The following MSI2 variants were observed in gnomAD, a reference collection of about 807,000 sequenced individuals.
MSI2 encodes musashi RNA binding protein 2.
MSI2 carries 17 observed loss-of-function variants against 45.6 expected under a neutral mutation model. The observed-to-expected ratio is 0.37, with a 90% CI of 0.26 to 0.56. MSI2 has a LOEUF of 0.56. Among genes scored for constraint, MSI2 ranks in the 20% least tolerant of loss-of-function variants. MSI2 has a pLI of 0.77. For missense variants in MSI2, 293 were observed against 444.2 expected (o/e 0.66, Z 3.06); for synonymous variants, 156 against 158.2 (o/e 0.99, Z 0.11).
At chr17:57,510,700 T>A (rs1403310032) in intron 6 of MSI2, among the ~76,000 whole-genome samples, 1 of 152,184 alleles carries the variant, frequency 6.6e-6, no homozygotes, top group African/African-American at 2.4e-5. Flanking sequence ...AGTGCTGGGA[T>A]TACAGGCGTG....
chr17:57,372,842 G>A (rs1030032196), intron 5 of MSI2, among the ~76,000 whole-genome samples: 1 of 152,160 alleles, frequency 6.6e-6, no homozygotes. Context: ...CCACCCCAAT[G>A]AGAATGAGGA....
At chr17:57,346,406 TCTAC>T (rs1915616256) in intron 5 of MSI2, among the ~76,000 whole-genome samples, 1 of 151,850 alleles carries the variant, frequency 6.6e-6, no homozygotes, top group Non-Finnish European at 1.5e-5. Context: ...AATTCATTGA[TCTAC>T]CCCTTTGCTC....
At chr17:57,481,981 T>C (rs1031650061) in intron 6 of MSI2, among the ~76,000 whole-genome samples, 8 of 152,248 alleles carry the variant, frequency 5.3e-5, no homozygotes, top group African/African-American at 2.4e-5. Context: ...TTCATGTTGC[T>C]ATGGCACCTC....
intron 5 of MSI2, among the ~76,000 whole-genome samples, chr17:57,275,673 A>T (rs904849532): frequency 1.3e-5 from 2 of 152,146 alleles, no homozygotes; most frequent in African/African-American, 4.8e-5. Flanking sequence ...GAACAAGATC[A>T]TGATTATAAG....
At chr17:57,472,223 A>G (rs2586229) in intron 6 of MSI2, among the ~76,000 whole-genome samples, 118,195 of 152,172 alleles carry the variant, frequency 0.78, 46,352 homozygotes, top group East Asian at 0.91. Context: ...AGGCTTCTAA[A>G]GTCAACTCAC....
At chr17:57,443,316 TCTC>T (rs1276106624) in intron 6 of MSI2, among the ~76,000 whole-genome samples, 9 of 152,110 alleles carry the variant, frequency 5.9e-5, no homozygotes, top group Admixed American at 3.3e-4. Context: ...CTTGGGCGCG[TCTC>T]CTCCGTTTGT....
chr17:57,692,426 G>C, the MSI2 span, among the ~76,000 whole-genome samples: 1 of 152,080 alleles, frequency 6.6e-6, no homozygotes, highest in South Asian at 2.1e-4. Context: ...AGGCCCAATA[G>C]TAATTCATAT....
intron 7 of MSI2, among the ~76,000 whole-genome samples, chr17:57,553,699 G>T (rs2087360554): frequency 6.6e-6 from 1 of 152,204 alleles, no homozygotes; most frequent in Admixed American, 6.5e-5. Flanking sequence ...CCCAGCTCAT[G>T]TGCCTTTGTG....
chr17:57,367,335 A>T (rs1232329963), intron 5 of MSI2, among the ~76,000 whole-genome samples: 2 of 152,186 alleles, frequency 1.3e-5, no homozygotes, highest in Admixed American at 1.3e-4. Context: ...TACAAGTGGA[A>T]TATTAACTCA....
intron 6 of MSI2, among the ~76,000 whole-genome samples, chr17:57,450,990 G>A (rs985826524): frequency 1.3e-5 from 2 of 152,142 alleles, no homozygotes; most frequent in African/African-American, 2.4e-5. Flanking sequence ...GTGGGTGGTA[G>A]TGGTGTTTCC....
At chr17:57,558,410 G>A (rs1598398981) in intron 7 of MSI2, among the ~76,000 whole-genome samples, 1 of 152,166 alleles carries the variant, frequency 6.6e-6, no homozygotes, top group South Asian at 2.1e-4. Flanking sequence ...CCGCATCCTG[G>A]AGTAAGTGAG....
At chr17:57,343,314 C>T (rs562832085) in intron 5 of MSI2, among the ~76,000 whole-genome samples, 118 of 151,706 alleles carry the variant, frequency 7.8e-4, no homozygotes, top group African/African-American at 2.8e-3. Flanking sequence ...TTCCTTCTCT[C>T]CCTTTTGCTT....
chr17:57,654,279 C>A (rs1350278607), intron 11 of MSI2, among the ~76,000 whole-genome samples: 5 of 152,242 alleles, frequency 3.3e-5, no homozygotes, highest in Admixed American at 3.3e-4. Flanking sequence ...GCTGCCTAGG[C>A]AGGAAGACAC....
At chr17:57,310,832 G>T (rs944451545) in intron 5 of MSI2, among the ~76,000 whole-genome samples, 2 of 152,182 alleles carry the variant, frequency 1.3e-5, no homozygotes, top group African/African-American at 2.4e-5. Flanking sequence ...TTCACAGATG[G>T]TGTGGCAGCA....
intron 6 of MSI2, among the ~76,000 whole-genome samples, chr17:57,476,704 A>G (rs2085543795): frequency 6.6e-6 from 1 of 152,184 alleles, no homozygotes; most frequent in Admixed American, 6.5e-5. Context: ...CACCAAACTA[A>G]ACACTTTGGA....
At chr17:57,482,785 A>G (rs2085674345) in intron 6 of MSI2, among the ~76,000 whole-genome samples, 1 of 152,180 alleles carries the variant, frequency 6.6e-6, no homozygotes, top group Non-Finnish European at 1.5e-5. Flanking sequence ...GCCTGCATTT[A>G]GCAAGTCAAG....
intron 6 of MSI2, among the ~76,000 whole-genome samples, chr17:57,419,927 G>A (rs949860359): frequency 1.3e-5 from 2 of 152,200 alleles, no homozygotes; most frequent in Non-Finnish European, 2.9e-5. Flanking sequence ...CGGTGTTGGT[G>A]TCAGATTGTG....
At chr17:57,464,065 C>CTCA (rs1296015455) in intron 6 of MSI2, among the ~76,000 whole-genome samples, 1 of 151,260 alleles carries the variant, frequency 6.6e-6, no homozygotes, top group Middle Eastern at 3.2e-3. Context: ...TCTGGACTCA[C>CTCA]AGTGGTTCTG....
intron 5 of MSI2, chr17:57,274,336 A>G (rs1908668521): frequency 6.6e-6 from 1 of 152,230 alleles, no homozygotes; most frequent in South Asian, 2.1e-4. Context: ...CTGCCACTGC[A>G]GCTGTGTGAC....
Sources: allele counts gnomAD v4.1 joint callset (sites outside exome capture counted in the v4.1 genomes callset), GRCh38; gene constraint gnomAD v4.1.1; transcripts MANE v1.5; gene names NCBI Gene and HGNC (gene_info 2026-07-23, HGNC 2026-07-21).